ERBB4: variants seen among roughly 807,000 people sequenced by gnomAD.
ERBB4 encodes erb-b2 receptor tyrosine kinase 4, also known as receptor tyrosine-protein kinase erbB-4.
In ERBB4, 42 loss-of-function variants were observed where a neutral mutation model predicts 158.0. The observed-to-expected ratio is 0.27, with a 90% CI of 0.21 to 0.34. ERBB4 has a LOEUF of 0.34. Among genes scored for constraint, ERBB4 ranks in the 10% least tolerant of loss-of-function variants. The pLI is 1.00. For missense variants in ERBB4, 1,333 were observed against 1,624.1 expected (o/e 0.82, Z 3.08); for synonymous variants, 583 against 558.7 (o/e 1.04, Z -0.61).
intron 5 of ERBB4, among the ~76,000 whole-genome samples, chr2:211,743,592 T>C (rs1257463114): frequency 6.6e-6 from 1 of 152,224 alleles, no homozygotes; most frequent in Non-Finnish European, 1.5e-5. Flanking sequence ...GTCTCTCTCA[T>C]ACCTAAAACC....
intron 20 of ERBB4, among the ~76,000 whole-genome samples, chr2:211,547,437 A>G (rs1174487307): frequency 6.6e-6 from 1 of 152,094 alleles, no homozygotes; most frequent in Non-Finnish European, 1.5e-5. Context: ...GATTACTATA[A>G]ACATCTTGAA....
intron 25 of ERBB4, among the ~76,000 whole-genome samples, chr2:211,411,057 C>T (rs551944506): frequency 2.6e-5 from 4 of 152,204 alleles, no homozygotes; most frequent in South Asian, 2.1e-4. Flanking sequence ...TATAGGCATG[C>T]GCCGCTACAC....
At chr2:212,245,622 AT>A (rs2084279645) in intron 1 of ERBB4, among the ~76,000 whole-genome samples, 1 of 146,936 alleles carries the variant, frequency 6.8e-6, no homozygotes, top group South Asian at 2.1e-4. Flanking sequence ...AGAATCACAA[AT>A]GATTTTCCCA....
At chr2:211,962,661 T>C (rs1409671639) in intron 2 of ERBB4, among the ~76,000 whole-genome samples, 1 of 152,128 alleles carries the variant, frequency 6.6e-6, no homozygotes, top group South Asian at 2.1e-4. Context: ...AGTTAGAAAC[T>C]TGTTGCCAGG....
intron 1 of ERBB4, among the ~76,000 whole-genome samples, chr2:212,394,651 T>A (rs2090972456): frequency 6.6e-6 from 1 of 152,154 alleles, no homozygotes; most frequent in South Asian, 2.1e-4. Flanking sequence ...CGTGCTTCCA[T>A]GTGCTTATTT....
chr2:211,616,750 T>C (rs999110419), intron 19 of ERBB4, among the ~76,000 whole-genome samples: 6 of 152,318 alleles, frequency 3.9e-5, no homozygotes, highest in Middle Eastern at 3.4e-3. Flanking sequence ...TAGTAGGACA[T>C]GTTTCTGCCT....
intron 1 of ERBB4, among the ~76,000 whole-genome samples, chr2:212,170,912 C>A (rs1294701983): frequency 1.3e-5 from 2 of 152,206 alleles, no homozygotes; most frequent in East Asian, 3.9e-4. Flanking sequence ...AATTGGACCC[C>A]CTCACAGATT....
intron 4 of ERBB4, among the ~76,000 whole-genome samples, chr2:211,783,546 G>C (rs866490503): frequency 6.7e-6 from 1 of 150,214 alleles, no homozygotes; most frequent in African/African-American, 2.4e-5. Flanking sequence ...CGTCCCATCA[G>C]TACCTAATTT....
chr2:211,689,248 G>A (rs1444053373), intron 12 of ERBB4, among the ~76,000 whole-genome samples: 2 of 152,156 alleles, frequency 1.3e-5, no homozygotes, highest in African/African-American at 2.4e-5. Context: ...TGGCTGGAGT[G>A]GAGTGGTGTG....
At chr2:211,987,517 GGA>G (rs895399330) in intron 2 of ERBB4, among the ~76,000 whole-genome samples, 85 of 151,986 alleles carry the variant, frequency 5.6e-4, no homozygotes, top group African/African-American at 2.0e-3. Flanking sequence ...AGGGAACATA[GGA>G]GAGAGAAATT....
At position 212,538,605 on chromosome 2, in the gene ERBB4, A is replaced by C. The variant is rs892520632; in HGVS notation, c.-75T>G. On this transcript the variant is annotated 5_prime_UTR_variant, in exon 1 of 28. Transcript: ENST00000342788. ...TATCCCCCTTTCGGGCACGCGGAGG[A>C]GATCCCCCAGCCGGGCGCGCGTGGG... 93 of 1,464,182 alleles carry C rather than the reference A, an allele frequency of 6.4e-5. No individual in the cohort carries two copies. In the Admixed American group the frequency reaches 9.1e-4, roughly 14 times the overall value. 90.7% of individuals were successfully genotyped at this position (1,464,182 alleles called of 1,614,324 possible).
intron 1 of ERBB4, among the ~76,000 whole-genome samples, chr2:212,445,500 T>C (rs2092331518): frequency 6.6e-6 from 1 of 152,146 alleles, no homozygotes; most frequent in South Asian, 2.1e-4. Context: ...TTTAGGATCC[T>C]CCTACCTTTA....
intron 20 of ERBB4, among the ~76,000 whole-genome samples, chr2:211,485,606 T>TA (rs1254705521): frequency 1.3e-5 from 2 of 151,926 alleles, no homozygotes; most frequent in Non-Finnish European, 2.9e-5. Flanking sequence ...TGTTATACAT[T>TA]ATCTTATATG....
At chr2:212,473,052 T>C (rs1030615090) in intron 1 of ERBB4, among the ~76,000 whole-genome samples, 3 of 151,966 alleles carry the variant, frequency 2.0e-5, no homozygotes, top group Admixed American at 6.6e-5. Flanking sequence ...GAATATAGAA[T>C]AAAATGTATA....
intron 19 of ERBB4, among the ~76,000 whole-genome samples, chr2:211,572,120 C>T (rs1272903045): frequency 1.3e-5 from 2 of 152,054 alleles, no homozygotes; most frequent in Non-Finnish European, 2.9e-5. Flanking sequence ...ATTCTGACTC[C>T]TACTTAAATT....
At chr2:212,080,603 G>A (rs950877358) in intron 2 of ERBB4, among the ~76,000 whole-genome samples, 6 of 148,852 alleles carry the variant, frequency 4.0e-5, no homozygotes, top group Non-Finnish European at 7.4e-5. Flanking sequence ...AGATATATTG[G>A]CAACCCTCCA....
At chr2:212,309,186 T>C (rs562774888) in intron 1 of ERBB4, among the ~76,000 whole-genome samples, 6 of 151,034 alleles carry the variant, frequency 4.0e-5, no homozygotes, top group South Asian at 4.1e-4. Context: ...CTTGATAAGT[T>C]AACACCCTCT....
chr2:212,171,436 G>A (rs1257978623), intron 1 of ERBB4, among the ~76,000 whole-genome samples: 1 of 151,978 alleles, frequency 6.6e-6, no homozygotes, highest in East Asian at 1.9e-4. Flanking sequence ...GACTCCAGGG[G>A]ACTCTTTGGA....
intron 3 of ERBB4, among the ~76,000 whole-genome samples, chr2:211,920,520 A>G (rs1369168622): frequency 6.6e-6 from 1 of 151,924 alleles, no homozygotes; most frequent in East Asian, 1.9e-4. Context: ...AAGAATTTTA[A>G]AACCTCCAAC....
Sources: gnomAD v4.1 joint callset for allele counts (sites outside exome capture counted in the v4.1 genomes callset) on GRCh38, gnomAD v4.1.1 for gene constraint, MANE v1.5 for transcripts, NCBI Gene and HGNC (gene_info 2026-07-23, HGNC 2026-07-21) for gene names.